ZFAT: variants seen among roughly 807,000 people sequenced by gnomAD.
The protein encoded by ZFAT is zinc finger protein ZFAT.
ZFAT carries 64 observed loss-of-function variants against 117.7 expected under a neutral mutation model. That is an observed-to-expected ratio of 0.54 (90% confidence interval 0.44 to 0.67). ZFAT has a LOEUF of 0.67. Ranked by LOEUF, ZFAT falls within the 30% of genes least tolerant of loss-of-function variation. The pLI is 0.00. For synonymous variants in ZFAT, 679 were observed against 615.0 expected (o/e 1.10, Z -1.54); for missense variants, 1,433 against 1,584.5 (o/e 0.90, Z 1.62).
At chr8:134,722,147 A>G in the ZFAT span, among the ~76,000 whole-genome samples, 3 of 152,104 alleles carry the variant, frequency 2.0e-5, no homozygotes, top group Non-Finnish European at 2.9e-5. Flanking sequence ...CACACCACTC[A>G]CGGGAGAAAA....
At chr8:134,753,232 C>CCAACAACAACAACAACAACAACAA in the ZFAT span, among the ~76,000 whole-genome samples, 1 of 149,752 alleles carries the variant, frequency 6.7e-6, no homozygotes, top group Non-Finnish European at 1.5e-5. Flanking sequence ...AACGAACCAA[C>CCAACAACAACAACAACAACAACAA]CAACAACAAC....
intron 11 of ZFAT, among the ~76,000 whole-genome samples, chr8:134,551,181 G>A (rs1823140104): frequency 6.6e-6 from 1 of 152,192 alleles, no homozygotes; most frequent in African/African-American, 2.4e-5. Flanking sequence ...GAGAAAGCGT[G>A]GACTAACGCG....
chr8:134,547,488 C>T (rs969354850), intron 11 of ZFAT, among the ~76,000 whole-genome samples: 1 of 152,194 alleles, frequency 6.6e-6, no homozygotes, highest in Non-Finnish European at 1.5e-5. Flanking sequence ...CAGGACCTGG[C>T]TCTGTACAGA....
At chr8:134,542,306 C>A (rs1822314184) in intron 11 of ZFAT, among the ~76,000 whole-genome samples, 2 of 152,196 alleles carry the variant, frequency 1.3e-5, no homozygotes, top group African/African-American at 4.8e-5. Context: ...TCTTTTCTTT[C>A]CAACTTTTAT....
the ZFAT span, chr8:134,793,208 G>C: frequency 1.3e-5 from 2 of 152,140 alleles, no homozygotes; most frequent in Non-Finnish European, 2.9e-5. Context: ...CTGTCCTCAA[G>C]GGGCTCACAA....
chr8:134,640,233 A>T (rs1312312098), intron 2 of ZFAT, among the ~76,000 whole-genome samples: 2 of 152,216 alleles, frequency 1.3e-5, no homozygotes, highest in African/African-American at 2.4e-5. Context: ...CAAAGCTGAG[A>T]GAGGCCGCAG....
At chr8:134,606,218 GA>G (rs1827879338) in intron 5 of ZFAT, among the ~76,000 whole-genome samples, 1 of 152,284 alleles carries the variant, frequency 6.6e-6, no homozygotes, top group South Asian at 2.1e-4. Context: ...GCTAGTCTTG[GA>G]AGCCCCCTGC....
the ZFAT span, chr8:134,797,466 A>G: frequency 1.4e-4 from 21 of 152,164 alleles, no homozygotes; most frequent in Admixed American, 1.3e-4. Context: ...ATTTTAAAAA[A>G]CAGAACAACC....
chr8:134,555,729 AG>A (rs1176063989), intron 11 of ZFAT, among the ~76,000 whole-genome samples: 1 of 152,114 alleles, frequency 6.6e-6, no homozygotes, highest in Non-Finnish European at 1.5e-5. Context: ...AAAAGTCAAT[AG>A]AAACTGATGT....
Position 134,509,964 on chromosome 8 carries a change from C to T in ZFAT, c.3362-215G>A, listed in dbSNP as rs138111252. ...AGAACATCTCAAAACCCCAAGCAAC[C>T]CTGTGAGGATGGGACATTGAGACGT... On this transcript the variant is annotated intron_variant, in intron 14 of 15. Coordinates refer to ENST00000377838, the MANE Select transcript of ZFAT (RefSeq NM_020863.4). 60 of 598,704 alleles carry T rather than the reference C, an allele frequency of 1.0e-4. No homozygotes were observed. The Middle Eastern group carries it at 1.6e-3, about 16-fold the overall frequency. 37.1% of individuals were successfully genotyped at this position (598,704 alleles called of 1,614,324 possible).
At chr8:134,580,072 C>A (rs532665669) in intron 10 of ZFAT, among the ~76,000 whole-genome samples, 3 of 151,970 alleles carry the variant, frequency 2.0e-5, no homozygotes, top group African/African-American at 7.2e-5. Context: ...GCCAGGAGAG[C>A]AGGAGGCCGC....
intron 1 of ZFAT, among the ~76,000 whole-genome samples, chr8:134,670,144 A>T (rs1053566497): frequency 3.3e-5 from 5 of 152,188 alleles, no homozygotes; most frequent in African/African-American, 1.2e-4. Context: ...CTCCCACACA[A>T]TAATAATGGG....
chr8:134,546,251 A>G (rs901813879), intron 11 of ZFAT, among the ~76,000 whole-genome samples: 2 of 152,224 alleles, frequency 1.3e-5, no homozygotes, highest in Non-Finnish European at 2.9e-5. Context: ...TGGCATTGCC[A>G]AGCTTAAATC....
chr8:134,740,533 C>T, the ZFAT span, among the ~76,000 whole-genome samples: 4 of 152,216 alleles, frequency 2.6e-5, no homozygotes, highest in African/African-American at 9.6e-5. Flanking sequence ...GTTTAGAACA[C>T]CTAGTTCCCT....
intron 11 of ZFAT, among the ~76,000 whole-genome samples, chr8:134,547,335 T>C (rs1315533468): frequency 1.3e-5 from 2 of 152,224 alleles, no homozygotes; most frequent in Non-Finnish European, 2.9e-5. Flanking sequence ...TTATACTGTA[T>C]TTTCAGTTTT....
intron 11 of ZFAT, among the ~76,000 whole-genome samples, chr8:134,548,119 A>C (rs1822837170): frequency 6.6e-6 from 1 of 152,248 alleles, no homozygotes; most frequent in Non-Finnish European, 1.5e-5. Context: ...AATCTATCAC[A>C]GTAAATTTCT....
At chr8:134,645,052 T>C (rs1019123925) in intron 2 of ZFAT, among the ~76,000 whole-genome samples, 1 of 152,168 alleles carries the variant, frequency 6.6e-6, no homozygotes, top group Non-Finnish European at 1.5e-5. Context: ...GGAAATTTCT[T>C]CTTGGATCAC....
intron 11 of ZFAT, among the ~76,000 whole-genome samples, chr8:134,559,640 C>G (rs192853917): frequency 6.6e-6 from 1 of 152,228 alleles, no homozygotes; most frequent in African/African-American, 2.4e-5. Context: ...CTAACACTCC[C>G]ACCAGCAATG....
the ZFAT span, among the ~76,000 whole-genome samples, chr8:134,758,806 C>G: frequency 0.39 from 58,713 of 152,104 alleles, 11,391 homozygotes; most frequent in Admixed American, 0.47. Context: ...TTGACTGATA[C>G]TGATCATGAT....
Sources: gnomAD v4.1 joint callset for allele counts (sites outside exome capture counted in the v4.1 genomes callset) on GRCh38, gnomAD v4.1.1 for gene constraint, MANE v1.5 for transcripts, NCBI Gene and HGNC (gene_info 2026-07-23, HGNC 2026-07-21) for gene names.